Variants in EXT2 observed in about 807,000 individuals in gnomAD.
EXT2 encodes exostosin-2.
In EXT2, 53 loss-of-function variants were observed where a neutral mutation model predicts 81.6. That is an observed-to-expected ratio of 0.65 (90% CI 0.52 to 0.82). The LOEUF is 0.82. Ranked by LOEUF, EXT2 falls within the 40% of genes least tolerant of loss-of-function variation. EXT2 has a pLI of 0.00. For missense variants in EXT2, 774 were observed against 910.2 expected (o/e 0.85, Z 1.93); for synonymous variants, 320 against 340.0 (o/e 0.94, Z 0.65).
At chr11:44,188,136 G>C (rs1423871032) in intron 8 of EXT2, among the ~76,000 whole-genome samples, 7 of 152,218 alleles carry the variant, frequency 4.6e-5, no homozygotes, top group Non-Finnish European at 8.8e-5. Context: ...CTATTGCTGA[G>C]CTGGCAGGAA....
rs765515424 is a variant in EXT2 at position 44,126,800 on chromosome 11, CT to C, written c.940-13del. The C allele has an allele frequency of 4.3e-6, 7 of 1,614,024 alleles. No individual in the cohort carries two copies. The highest frequency in any genetic ancestry group is 5.9e-6 in the Non-Finnish European group (7 of 1,180,026). Reference sequence around the variant, plus strand: ...AAAACTAGTTTGTAATCTCTTGCCTCTTTGTGTTCCTGCAGGAGGCTACTTT... The same window carrying C: ...AAAACTAGTTTGTAATCTCTTGCCTCTTGTGTTCCTGCAGGAGGCTACTTT... On this transcript the variant is annotated splice_polypyrimidine_tract_variant and intron_variant, in intron 5 of 13. Coordinates refer to ENST00000533608, the MANE Select transcript of EXT2 (RefSeq NM_207122.2).
intron 10 of EXT2, among the ~76,000 whole-genome samples, chr11:44,213,700 T>C (rs1955680120): frequency 6.6e-6 from 1 of 152,092 alleles, no homozygotes. Flanking sequence ...AGAAATAGAT[T>C]GGCGAAAAAT....
chr11:44,167,745 A>G (rs535898717), intron 7 of EXT2, among the ~76,000 whole-genome samples: 2 of 152,352 alleles, frequency 1.3e-5, no homozygotes, highest in South Asian at 2.1e-4. Flanking sequence ...CAGGTGACTC[A>G]GATATTGGAG....
At position 44,249,611 on chromosome 11, in the gene EXT2, T is replaced by C. The variant is rs543900475; in HGVS notation, c.*5324T>C. Reference sequence around the variant, plus strand: ...ATATATTTATTTGGAATTTTACTTATAGCTGCAAATATATCATTGGCTACT... The same window carrying C: ...ATATATTTATTTGGAATTTTACTTACAGCTGCAAATATATCATTGGCTACT... On this transcript the variant is annotated 3_prime_UTR_variant, in exon 14 of 14. Coordinates refer to ENST00000533608, the MANE Select transcript of EXT2 (RefSeq NM_207122.2). Among the ~76,000 whole-genome samples the C allele has an allele frequency of 5.1e-4, 77 of 152,344 alleles. 1 individual carries two copies. Among genetic ancestry groups the C allele is most frequent in the Non-Finnish European group, 9.1e-4 (62 of 68,034 alleles).
chr11:44,118,944 T>C (rs1186259639), intron 4 of EXT2, among the ~76,000 whole-genome samples: 2 of 151,588 alleles, frequency 1.3e-5, no homozygotes, highest in Non-Finnish European at 2.9e-5. Context: ...TATTCATTTC[T>C]TTTTCTCTTT....
intron 4 of EXT2, 34 bp downstream of exon 4, chr11:44,114,335 T>G (rs1395633871): frequency 1.3e-6 from 2 of 1,575,102 alleles, no homozygotes; most frequent in African/African-American, 2.7e-5. Flanking sequence ...GGTGTGCCTT[T>G]ACTGAATCTG....
chr11:44,151,500 C>A (rs1402425313), intron 7 of EXT2, among the ~76,000 whole-genome samples: 1 of 152,024 alleles, frequency 6.6e-6, no homozygotes, highest in African/African-American at 2.4e-5. Flanking sequence ...AGTTTGGCTT[C>A]TTTTACTTAG....
intron 8 of EXT2, among the ~76,000 whole-genome samples, chr11:44,180,617 C>T (rs931367104): frequency 1.4e-4 from 21 of 152,214 alleles, no homozygotes; most frequent in African/African-American, 4.8e-4. Context: ...GCAGTGATTG[C>T]TCTCCAGGTC....
chr11:44,236,383 A>G lies in EXT2; in HGVS notation c.2018+8A>G. ...AACACACATGGTGGAGAGGTAAGTG[A>G]GCCTCCAACCAAAAGTGCGCCTTAG... On this transcript the variant is annotated splice_region_variant and intron_variant, in intron 13 of 13. Coordinates refer to ENST00000533608, the MANE Select transcript of EXT2 (RefSeq NM_207122.2). 6.2e-7 allele frequency: 1 copy of G among 1,613,580 alleles called. No homozygotes were observed. Among genetic ancestry groups the G allele is most frequent in the Non-Finnish European group, 8.5e-7 (1 of 1,179,830 alleles).
At chr11:44,216,560 A>T (rs1955722221) in intron 10 of EXT2, among the ~76,000 whole-genome samples, 1 of 152,194 alleles carries the variant, frequency 6.6e-6, no homozygotes, top group South Asian at 2.1e-4. Context: ...CAGGATTCTA[A>T]TGATGCCTGT....
intron 7 of EXT2, among the ~76,000 whole-genome samples, chr11:44,151,700 T>C (rs537397671): frequency 6.6e-6 from 1 of 152,300 alleles, no homozygotes; most frequent in South Asian, 2.1e-4. Flanking sequence ...TTCGAGTAGA[T>C]GTAAGTTTTC....
At chr11:44,108,396 G>A (rs1463800398) in intron 2 of EXT2, 148 bp downstream of exon 2, 1 of 873,350 alleles carries the variant, frequency 1.1e-6, no homozygotes. Flanking sequence ...TGGAGGGACT[G>A]ACTTGCAGCA....
chr11:44,096,267 A>G (rs2134932890), intron 1 of EXT2: 1 of 1,535,516 alleles, frequency 6.5e-7, no homozygotes, highest in Non-Finnish European at 8.7e-7. Flanking sequence ...CCTGCGCCTC[A>G]GGGTCCGGTG....
chr11:44,134,740 G>A (rs1954541250), intron 7 of EXT2, among the ~76,000 whole-genome samples: 1 of 152,188 alleles, frequency 6.6e-6, no homozygotes, highest in African/African-American at 2.4e-5. Context: ...TTTATCTGTT[G>A]AGTAGAATTT....
chr11:44,105,173 G>A (rs1351641861), intron 1 of EXT2, among the ~76,000 whole-genome samples: 2 of 152,180 alleles, frequency 1.3e-5, no homozygotes, highest in Non-Finnish European at 2.9e-5. Flanking sequence ...CCATTTATCC[G>A]AAGCAAAAAT....
At chr11:44,148,582 T>G (rs977494862) in intron 7 of EXT2, among the ~76,000 whole-genome samples, 2 of 152,342 alleles carry the variant, frequency 1.3e-5, no homozygotes, top group Middle Eastern at 3.4e-3. Flanking sequence ...TTTCTCATCA[T>G]AAAATAGGGA....
chr11:44,195,217 C>A (rs1955440741), intron 8 of EXT2, among the ~76,000 whole-genome samples: 1 of 152,008 alleles, frequency 6.6e-6, no homozygotes, highest in Non-Finnish European at 1.5e-5. Flanking sequence ...GGTGGATCAC[C>A]TGAGGTCGGG....
chr11:44,149,399 G>T (rs1954763308), intron 7 of EXT2, among the ~76,000 whole-genome samples: 1 of 152,044 alleles, frequency 6.6e-6, no homozygotes, highest in Admixed American at 6.6e-5. Flanking sequence ...TTTTTCATTT[G>T]CCTCTCTTTG....
chr11:44,185,933 G>A (rs1955304568), intron 8 of EXT2, among the ~76,000 whole-genome samples: 1 of 152,218 alleles, frequency 6.6e-6, no homozygotes, highest in Admixed American at 6.5e-5. Context: ...AGTTGAAACT[G>A]TAAATTTGTT....
Sources: allele counts gnomAD v4.1 joint callset (sites outside exome capture counted in the v4.1 genomes callset), GRCh38; gene constraint gnomAD v4.1.1; transcripts MANE v1.5; gene names NCBI Gene and HGNC (gene_info 2026-07-23, HGNC 2026-07-21).